PUM1: variants seen among roughly 807,000 people sequenced by gnomAD.
PUM1 encodes pumilio RNA binding family member 1, also known as pumilio homolog 1.
PUM1 carries 13 observed loss-of-function variants against 131.8 expected under a neutral mutation model. The ratio of observed to expected loss-of-function variants is 0.10; its 90% CI spans 0.06 to 0.16. PUM1 has a LOEUF of 0.16. PUM1 is among the 10% of genes least tolerant of loss of function. The pLI, the probability that PUM1 is intolerant of heterozygous loss-of-function variation, is 1.00. For synonymous variants in PUM1, 509 were observed against 556.5 expected, an observed-to-expected ratio of 0.91 and a Z score of 1.20; for missense variants, 961 against 1,512.4, an observed-to-expected ratio of 0.64 and a Z score of 6.05.
intron 1 of PUM1, among the ~76,000 whole-genome samples, chr1:31,060,286 C>A (rs1644339492): frequency 1.3e-5 from 2 of 151,106 alleles, no homozygotes; most frequent in African/African-American, 2.4e-5. Context: ...CATGGTGAAA[C>A]CCCATCTCTA....
intron 2 of PUM1, among the ~76,000 whole-genome samples, chr1:31,040,808 C>G (rs1293244308): frequency 1.3e-5 from 2 of 151,890 alleles, no homozygotes; most frequent in Non-Finnish European, 2.9e-5. Flanking sequence ...CATGAAAGGT[C>G]TCCTATGCTA....
At chr1:31,043,348 A>AC (rs925971652) in intron 2 of PUM1, among the ~76,000 whole-genome samples, 103 of 148,800 alleles carry the variant, frequency 6.9e-4, no homozygotes, top group Admixed American at 1.1e-3. Context: ...GATTATAGGC[A>AC]CCCCCCCATC....
intron 6 of PUM1, among the ~76,000 whole-genome samples, chr1:30,994,820 T>C (rs900657598): frequency 5.3e-5 from 8 of 152,218 alleles, no homozygotes; most frequent in African/African-American, 1.9e-4. Flanking sequence ...GATTTTAAAG[T>C]TCTATGCAAA....
chr1:31,016,309 A>G (rs2124525906), intron 3 of PUM1, among the ~76,000 whole-genome samples: 1 of 152,232 alleles, frequency 6.6e-6, no homozygotes, highest in East Asian at 1.9e-4. Flanking sequence ...TAAACTTCCA[A>G]CTCATTTTGA....
intron 2 of PUM1, among the ~76,000 whole-genome samples, chr1:31,031,866 G>A (rs1328014091): frequency 1.6e-5 from 2 of 127,062 alleles, no homozygotes; most frequent in East Asian, 2.3e-4. Context: ...GCGCACTCTC[G>A]CTCCCTGCCT....
chr1:30,989,970 G>A (rs1641723701), intron 7 of PUM1, among the ~76,000 whole-genome samples: 1 of 152,182 alleles, frequency 6.6e-6, no homozygotes, highest in Non-Finnish European at 1.5e-5. Flanking sequence ...ACAACAGAGT[G>A]AGCCTTAAAA....
chr1:31,028,565 A>G (rs1430025501), intron 3 of PUM1, among the ~76,000 whole-genome samples: 1 of 152,218 alleles, frequency 6.6e-6, no homozygotes, highest in Non-Finnish European at 1.5e-5. Flanking sequence ...ATTTGTGCTC[A>G]CATTTTGGCT....
intron 3 of PUM1, among the ~76,000 whole-genome samples, chr1:31,027,183 C>A (rs1643254945): frequency 6.6e-6 from 1 of 152,042 alleles, no homozygotes; most frequent in African/African-American, 2.4e-5. Flanking sequence ...GTGGCTCATG[C>A]CTGTAATCTC....
intron 7 of PUM1, among the ~76,000 whole-genome samples, 174 bp downstream of exon 7, chr1:30,992,216 G>A (rs1641819452): frequency 6.6e-6 from 1 of 152,070 alleles, no homozygotes; most frequent in Non-Finnish European, 1.5e-5. Flanking sequence ...CTCAGCATAG[G>A]GACCAGCTTC....
intron 3 of PUM1, among the ~76,000 whole-genome samples, chr1:31,027,032 T>C (rs1027266922): frequency 2.6e-5 from 4 of 152,106 alleles, no homozygotes; most frequent in Middle Eastern, 3.5e-3. Flanking sequence ...TTAAATAAAC[T>C]TTACCCTCTA....
chr1:30,993,600 G>A (rs962043046), intron 6 of PUM1, among the ~76,000 whole-genome samples: 4 of 151,922 alleles, frequency 2.6e-5, no homozygotes, highest in Non-Finnish European at 5.9e-5. Context: ...TATTATTCTG[G>A]TTCCTTCTCT....
intron 2 of PUM1, among the ~76,000 whole-genome samples, chr1:31,046,962 C>T (rs565656371): frequency 2.0e-5 from 3 of 152,032 alleles, no homozygotes; most frequent in African/African-American, 4.8e-5. Context: ...AAGGCCAAGG[C>T]GGGTGGATCA....
At chr1:31,026,491 CTGTTTA>C (rs1263301497) in intron 3 of PUM1, among the ~76,000 whole-genome samples, 2 of 152,104 alleles carry the variant, frequency 1.3e-5, no homozygotes, top group Non-Finnish European at 2.9e-5. Context: ...TTTACTCTTT[CTGTTTA>C]TATGTATATT....
chr1:30,968,129 G>T, intron 11 of PUM1: 1 of 721,628 alleles, frequency 1.4e-6, no homozygotes, highest in Non-Finnish European at 2.6e-6. Flanking sequence ...ATTCCAAGCT[G>T]CATGGACATT....
rs771937404 is a variant in PUM1, at chr1:31,006,949, C to G, written c.541+45G>C. On this transcript the variant is annotated intron_variant, in intron 4 of 21. Transcript: ENST00000426105. The stretch of plus-strand genomic sequence containing the variant: ...TTGCCAATTGCTGAGGAAAGGAGCT[C>G]TAAGACAGGCATAAATCACAGTACA... The G allele has an allele frequency of 8.1e-6, 12 of 1,477,812 alleles. No individual in the cohort carries two copies. In the African/African-American group the frequency reaches 1.4e-4, roughly 17 times the overall value. 91.5% of individuals were successfully genotyped at this position (1,477,812 alleles called of 1,614,324 possible).
intron 2 of PUM1, among the ~76,000 whole-genome samples, chr1:31,036,085 T>TC (rs1207543789): frequency 1.3e-5 from 2 of 152,100 alleles, no homozygotes; most frequent in Non-Finnish European, 2.9e-5. Flanking sequence ...AAGTTTGTTT[T>TC]TTTTTTTTTA....
intron 1 of PUM1, among the ~76,000 whole-genome samples, chr1:31,062,512 C>T (rs1487367128): frequency 6.6e-6 from 1 of 151,028 alleles, no homozygotes; most frequent in Non-Finnish European, 1.5e-5. Flanking sequence ...CCCAGCTACT[C>T]GGGAGACTGA....
chr1:31,046,602 G>A (rs1458310756), intron 2 of PUM1, among the ~76,000 whole-genome samples: 1 of 150,556 alleles, frequency 6.6e-6, no homozygotes, highest in Non-Finnish European at 1.5e-5. Context: ...CCGCCTCCGG[G>A]GTTCAAGCGA....
rs57685772 is a variant in PUM1, at chr1:31,056,609, C to CTTTTTTTTT, written c.363+2586_363+2594dup. On this transcript the variant is annotated intron_variant, in intron 2 of 21. Transcript: ENST00000426105. ...CAGCTGAAAACCTTCCTTTTCTTTT[C>CTTTTTTTTT]TTTTTTTTTTTTTTTTTTTTTTTTT... Among the ~76,000 whole-genome samples the CTTTTTTTTT allele has an allele frequency of 2.3e-3, 101 of 43,712 alleles. 18 individuals carry two copies. Among genetic ancestry groups the CTTTTTTTTT allele is most frequent in the Non-Finnish European group, 3.2e-3 (80 of 24,876 alleles). The allele number at this position is 43,712 out of a possible 152,430, so 28.7% of individuals were successfully genotyped here.
Sources: gnomAD v4.1 joint callset for allele counts (sites outside exome capture counted in the v4.1 genomes callset) on GRCh38, gnomAD v4.1.1 for gene constraint, MANE v1.5 for transcripts, NCBI Gene and HGNC (gene_info 2026-07-23, HGNC 2026-07-21) for gene names.